GIMAP4: variants seen among roughly 807,000 people sequenced by gnomAD.
GIMAP4 encodes GTPase, IMAP family member 4.
In GIMAP4, 12 loss-of-function variants were observed where a neutral mutation model predicts 10.8. The observed-to-expected ratio is 1.11, with a 90% CI of 0.71 to 1.81. The LOEUF (loss-of-function observed/expected upper bound fraction) is 1.81, where lower values mean the gene tolerates loss of function less well. Among genes scored for constraint, GIMAP4 ranks in the 40% most tolerant of loss-of-function variants. The probability of loss-of-function intolerance (pLI) is 0.00; values close to 1 mark genes in which losing one functional copy is unlikely to be tolerated. For missense variants in GIMAP4, 412 were observed against 404.6 expected (o/e 1.02, Z -0.16); for synonymous variants, 149 against 147.2 (o/e 1.01, Z -0.09).
In GIMAP4 at chr7:150,573,341, A is replaced by T. The variant is rs1795761393; in HGVS notation, c.*281A>T. 1 of 287,998 alleles carries T rather than the reference A, an allele frequency of 3.5e-6. No individual in the cohort carries two copies. The highest frequency in any genetic ancestry group is 6.5e-6 in the Non-Finnish European group (1 of 153,810). 17.8% of individuals were successfully genotyped at this position (287,998 alleles called of 1,614,324 possible). Reference sequence around the variant, plus strand: ...GCAAGAGACCAAAAAGATGGCTCCAAGCTATGTCATGTTACCTGTAATAAA... The same window carrying T: ...GCAAGAGACCAAAAAGATGGCTCCATGCTATGTCATGTTACCTGTAATAAA... On this transcript the variant is annotated 3_prime_UTR_variant, in exon 3 of 3. Transcript: ENST00000255945.
rs1283606716 is a variant in GIMAP4, at chr7:150,572,782, C to T, written c.712C>T (p.Gln238Ter). 1 of 1,613,954 alleles carries T rather than the reference C, an allele frequency of 6.2e-7. No homozygotes were observed. ...RAEEEIQKQT[Q>*]AMQELHRVEL... is the part of the protein sequence containing the mutation. ...GGAGGAGGAGATCCAGAAGCAAACA[C>T]AAGCAATGCAAGAACTCCACAGAGT... is the stretch of plus-strand genomic sequence containing the variant. The change falls in exon 3 of 3, where the codon CAA becomes TAA. Residue 238 changes from glutamine to a stop codon, truncating the protein, a stop_gained. Coordinates refer to ENST00000255945, the MANE Select transcript of GIMAP4 (RefSeq NM_018326.3). LOFTEE classifies it low-confidence loss of function (END_TRUNC).
chr7:150,572,287 A>G lies in GIMAP4; in HGVS notation c.217A>G (p.Ser73Gly), dbSNP rs369393225. 8.7e-6 allele frequency: 14 copies of G among 1,614,062 alleles called. No individual in the cohort carries two copies. The African/African-American group carries it at 1.9e-4, about 22-fold the overall frequency. The change falls in exon 3 of 3, where the codon AGC (serine) becomes GGC (glycine). Residue 73 changes from serine (S) to glycine (G), a missense_variant. Physicochemically the swap from Ser to Gly is moderately conservative, Grantham distance 56. Transcript: ENST00000255945. ...KSITKKCEKR[S>G]SSWKETELVV... Reference sequence around the variant, plus strand: ...CATTACCAAGAAGTGTGAGAAACGCAGCAGCTCATGGAAGGAAACAGAACT... The same window carrying G: ...CATTACCAAGAAGTGTGAGAAACGCGGCAGCTCATGGAAGGAAACAGAACT...
chr7:150,572,399 C>G lies in GIMAP4; in HGVS notation c.329C>G (p.Thr110Ser). 6.2e-7 allele frequency: 1 copy of G among 1,614,138 alleles called. No homozygotes were observed. The highest frequency in any genetic ancestry group is 8.5e-7 in the Non-Finnish European group (1 of 1,179,996). ...SKEIIRCILL[T>S]SPGPHALLLV... is the part of the protein sequence containing the mutation. The stretch of plus-strand genomic sequence containing the variant: ...GAGATTATTCGCTGCATTCTTCTGA[C>G]CTCCCCAGGGCCTCATGCTCTGCTT... Residue 110 changes from threonine (T) to serine (S), a missense_variant, in exon 3 of 3, where the codon ACC becomes AGC. Transcript: ENST00000255945.
chr7:150,572,167 A>G lies in GIMAP4; in HGVS notation c.97A>G (p.Ile33Val). ...RQEPRNSQLR[I>V]VLVGKTGAGK... is the part of the protein sequence containing the mutation. The stretch of plus-strand genomic sequence containing the variant: ...AGAGCCCAGAAATTCCCAATTGAGA[A>G]TTGTGTTAGTGGGTAAAACCGGAGC... Residue 33 changes from isoleucine to valine, a missense_variant, in exon 3 of 3, where the codon ATT becomes GTT. Ile to Val is a conservative substitution (Grantham distance 29, BLOSUM62 3). Transcript: ENST00000255945. 1 of 1,613,802 alleles carries G rather than the reference A, an allele frequency of 6.2e-7. No individual in the cohort carries two copies. Among genetic ancestry groups the G allele is most frequent in the Non-Finnish European group, 8.5e-7 (1 of 1,179,762 alleles).
Position 150,572,147 on chromosome 7 carries a change from C to A in GIMAP4, c.77C>A (p.Pro26His). ...GASYGPGRQE[P>H]RNSQLRIVLV... ...GTCCCAGGGCCTGGAAGGCAAGAGC[C>A]CAGAAATTCCCAATTGAGAATTGTG... The change falls in exon 3 of 3, where the codon CCC becomes CAC. Residue 26 changes from proline (P) to histidine (H), a missense_variant. Pro to His is a moderately conservative substitution (Grantham distance 77). Coordinates refer to ENST00000255945, the MANE Select transcript of GIMAP4 (RefSeq NM_018326.3). 12 of 1,612,224 alleles carry A rather than the reference C, an allele frequency of 7.4e-6. No homozygotes were observed. The highest frequency in any genetic ancestry group is 1.0e-5 in the Non-Finnish European group (12 of 1,178,588).
At chr7:150,569,589 G>A (rs746950098) in intron 1 of GIMAP4, among the ~76,000 whole-genome samples, 1 of 152,112 alleles carries the variant, frequency 6.6e-6, no homozygotes, top group Non-Finnish European at 1.5e-5. Flanking sequence ...TCTGAGGAGG[G>A]TGTAGGCTAC....
At position 150,572,939 on chromosome 7, in the gene GIMAP4, A is replaced by G; in HGVS notation, c.869A>G (p.Tyr290Cys). ...EKKLAEQEAH[Y>C]AVRQQRARTE... ...AAACTAGCAGAACAGGAGGCTCACT[A>G]TGCTGTAAGGCAGCAAAGGGCAAGA... Residue 290 changes from tyrosine to cysteine, a missense_variant, in exon 3 of 3, where the codon TAT (tyrosine) becomes TGT (cysteine). Physicochemically the swap from Tyr to Cys is radical, Grantham distance 194. Transcript: ENST00000255945. 3.1e-6 allele frequency: 5 copies of G among 1,613,782 alleles called. No homozygotes were observed. Among genetic ancestry groups the G allele is most frequent in the East Asian group, 2.2e-5 (1 of 44,866 alleles).
rs562251401 is a variant in GIMAP4, at chr7:150,569,908, G to C, written c.7G>C (p.Ala3Pro). The C allele has an allele frequency of 6.4e-7, 1 of 1,568,412 alleles. No individual in the cohort carries two copies. Among genetic ancestry groups the C allele is most frequent in the Admixed American group, 1.7e-5 (1 of 59,912 alleles). Reference sequence around the variant, plus strand: ...TACAGGAGTTCAAGCGACAATGGCAGCCCAATACGGCAGTATGAGCTTCAA... The same window carrying C: ...TACAGGAGTTCAAGCGACAATGGCACCCCAATACGGCAGTATGAGCTTCAA... MAAQYGSMSFNPS... is the reference protein window; with the variant it reads MAPQYGSMSFNPS... Residue 3 changes from alanine (A) to proline (P), a missense_variant, in exon 2 of 3, where the codon GCC becomes CCC. By Grantham distance (27) the Ala-to-Pro change is conservative. Coordinates refer to ENST00000255945, the MANE Select transcript of GIMAP4 (RefSeq NM_018326.3).
intron 2 of GIMAP4, among the ~76,000 whole-genome samples, chr7:150,570,993 G>A (rs1473049005): frequency 1.3e-5 from 2 of 152,150 alleles, no homozygotes; most frequent in Non-Finnish European, 2.9e-5. Flanking sequence ...TGCATCCAGG[G>A]ATGGGAATAG....
intron 2 of GIMAP4, among the ~76,000 whole-genome samples, chr7:150,571,608 C>T (rs1265042077): frequency 6.6e-6 from 1 of 152,050 alleles, no homozygotes; most frequent in Non-Finnish European, 1.5e-5. Context: ...TGGCGAAACC[C>T]CGTCTCTACT....
chr7:150,570,095 T>G (rs1269380105), intron 2 of GIMAP4, 136 bp downstream of exon 2: 1 of 666,842 alleles, frequency 1.5e-6, no homozygotes, highest in Non-Finnish European at 2.7e-6. Context: ...GAAAAATATT[T>G]CCAACCTCTT....
chr7:150,571,490 G>A (rs1055193476), intron 2 of GIMAP4, among the ~76,000 whole-genome samples: 2 of 152,164 alleles, frequency 1.3e-5, no homozygotes, highest in African/African-American at 2.4e-5. Context: ...TATTTAGAAA[G>A]AAACAGCTGG....
intron 1 of GIMAP4, among the ~76,000 whole-genome samples, chr7:150,567,734 G>T (rs1795679828): frequency 6.6e-6 from 1 of 152,170 alleles, no homozygotes; most frequent in Non-Finnish European, 1.5e-5. Context: ...AAAGTTGGGT[G>T]AGCGGACAGA....
intron 1 of GIMAP4, among the ~76,000 whole-genome samples, chr7:150,569,299 A>G (rs969623847): frequency 6.6e-6 from 1 of 152,190 alleles, no homozygotes; most frequent in African/African-American, 2.4e-5. Flanking sequence ...GAAATGGGTA[A>G]TTTCGAGTTT....
In GIMAP4 at chr7:150,572,428, G is replaced by T. The variant is rs763091896; in HGVS notation, c.358G>T (p.Val120Leu). The change falls in exon 3 of 3, where the codon GTG (valine) becomes TTG (leucine). Residue 120 changes from valine (V) to leucine (L), a missense_variant. By Grantham distance (32) the Val-to-Leu change is conservative. Coordinates refer to ENST00000255945, the MANE Select transcript of GIMAP4 (RefSeq NM_018326.3). The stretch of plus-strand genomic sequence containing the variant: ...CCCAGGGCCTCATGCTCTGCTTCTG[G>T]TGGTTCCACTGGGCCGTTACACTGA... Reference protein sequence around the residue: ...TSPGPHALLLVVPLGRYTEEE... With the variant: ...TSPGPHALLLLVPLGRYTEEE... 1 of 1,614,168 alleles carries T rather than the reference G, an allele frequency of 6.2e-7. No individual in the cohort carries two copies. Among genetic ancestry groups the T allele is most frequent in the Middle Eastern group, 1.6e-4 (1 of 6,062 alleles).
chr7:150,570,812 C>T (rs1403987807), intron 2 of GIMAP4, among the ~76,000 whole-genome samples: 1 of 152,144 alleles, frequency 6.6e-6, no homozygotes, highest in African/African-American at 2.4e-5. Flanking sequence ...GCAGGAGGAG[C>T]AGAAAGAAAA....
chr7:150,572,533 CG>C lies in GIMAP4; in HGVS notation c.465del (p.Asp157MetfsTer3). ...ARSFMILIFTRKDDLGDTNLH... is the reference protein window; with the variant it reads ...ARSFMILIFTXKDDLGDTNLH... ...AAGTTTCATGATTCTCATATTCACC[CG>C]GAAAGATGACTTAGGTGACACCAAT... On this transcript the variant is annotated frameshift_variant, in exon 3 of 3. Transcript: ENST00000255945. LOFTEE classifies it high-confidence loss of function. 6.2e-7 allele frequency: 1 copy of C among 1,614,050 alleles called. No individual in the cohort carries two copies. The highest frequency in any genetic ancestry group is 1.1e-5 in the South Asian group (1 of 91,066).
At chr7:150,570,972 T>C (rs980504662) in intron 2 of GIMAP4, among the ~76,000 whole-genome samples, 2 of 152,126 alleles carry the variant, frequency 1.3e-5, no homozygotes, top group African/African-American at 4.8e-5. Flanking sequence ...CAAATCTACA[T>C]CCCAGAGGCA....
At chr7:150,570,033 G>GCC in intron 2 of GIMAP4, 74 bp downstream of exon 2, 2 of 400,938 alleles carry the variant, frequency 5.0e-6, no homozygotes, top group Non-Finnish European at 9.8e-6. Flanking sequence ...ATTTGGGGGG[G>GCC]AATAGGGGTG....
Sources: allele counts gnomAD v4.1 joint callset (sites outside exome capture counted in the v4.1 genomes callset), GRCh38; gene constraint gnomAD v4.1.1; transcripts MANE v1.5; gene names NCBI Gene and HGNC (gene_info 2026-07-23, HGNC 2026-07-21).